EXPH5: variants seen among roughly 807,000 people sequenced by gnomAD.
EXPH5 encodes exophilin-5.
EXPH5 carries 42 observed loss-of-function variants against 41.1 expected under a neutral mutation model. The ratio of observed to expected loss-of-function variants is 1.02; its 90% CI spans 0.80 to 1.32. The LOEUF is 1.32. Ranked by LOEUF, EXPH5 falls within the 40% of genes most tolerant of loss-of-function variation. EXPH5 has a pLI of 0.00. For synonymous variants in EXPH5, 798 were observed against 833.5 expected (o/e 0.96, Z 0.73); for missense variants, 2,298 against 2,314.5 (o/e 0.99, Z 0.15).
rs774464911 is a variant in EXPH5 at position 108,511,397 on chromosome 11, A to G, written c.4110T>C (p.Asn1370=). 24 of 1,590,054 alleles carry G rather than the reference A, an allele frequency of 1.5e-5. 1 individual carries two copies. In the South Asian group the frequency reaches 2.6e-4, roughly 17 times the overall value. ...AATCACCTAGAGGTGTTTTAGCTAA[A>G]TTATCTGAAAAAATCTCTCTAGCTT... The part of the protein sequence containing the change: ...ESKAREIFSD[N]LAKTPLGDSE... The change falls in exon 6 of 6, where the codon AAT becomes AAC. Residue 1370 remains asparagine, a synonymous_variant. Coordinates refer to ENST00000265843, the MANE Select transcript of EXPH5 (RefSeq NM_015065.3).
chr11:108,600,015 T>C, the EXPH5 span, among the ~76,000 whole-genome samples: 10 of 152,310 alleles, frequency 6.6e-5, no homozygotes, highest in South Asian at 4.1e-4. Context: ...GTCCAGGAGA[T>C]TGCAATCTGG....
intron 1 of EXPH5, among the ~76,000 whole-genome samples, chr11:108,566,137 T>C (rs1220629527): frequency 2.0e-5 from 3 of 152,214 alleles, no homozygotes; most frequent in African/African-American, 7.2e-5. Context: ...AAAATCAAGA[T>C]TCTTGCTTTA....
intron 1 of EXPH5, among the ~76,000 whole-genome samples, chr11:108,574,477 G>A (rs536373775): frequency 6.6e-6 from 1 of 152,242 alleles, no homozygotes; most frequent in South Asian, 2.1e-4. Flanking sequence ...TGAAACCTGG[G>A]AAATACACAG....
intron 3 of EXPH5, among the ~76,000 whole-genome samples, chr11:108,532,421 G>A (rs1476385079): frequency 8.3e-6 from 1 of 120,850 alleles, no homozygotes; most frequent in Non-Finnish European, 1.6e-5. Context: ...CACTACGTTG[G>A]CCAGGCTGGT....
intron 4 of EXPH5, among the ~76,000 whole-genome samples, chr11:108,526,535 C>G (rs2093800436): frequency 6.6e-6 from 1 of 152,192 alleles, no homozygotes; most frequent in Non-Finnish European, 1.5e-5. Flanking sequence ...CCTAGGAAAA[C>G]CGAGAGTACA....
chr11:108,592,712 A>G (rs2094130329), intron 1 of EXPH5, among the ~76,000 whole-genome samples: 1 of 152,174 alleles, frequency 6.6e-6, no homozygotes. Flanking sequence ...AGTGTATAGT[A>G]AGGTCAAGGA....
At chr11:108,585,521 C>G (rs1446676419) in intron 1 of EXPH5, among the ~76,000 whole-genome samples, 1 of 152,210 alleles carries the variant, frequency 6.6e-6, no homozygotes, top group South Asian at 2.1e-4. Context: ...AACACAGACT[C>G]TACCAGTGCC....
At chr11:108,532,356 ATATATATATATTTTTTTTT>A (rs1247779494) in intron 3 of EXPH5, among the ~76,000 whole-genome samples, 7 of 20,192 alleles carry the variant, frequency 3.5e-4, no homozygotes, top group Admixed American at 6.9e-4. Flanking sequence ...ATATATATAT[ATATATATATATTTTTTTTT>A]TTTTTTTTTT....
In EXPH5 at chr11:108,510,021, G is replaced by C. The variant is rs1280536809; in HGVS notation, c.5486C>G (p.Ala1829Gly). ...HFSESTSIDN[A>G]LSRLTLGNEF... ...ATTCCCAAGGGTCAGTCGACTCAGG[G>C]CATTGTCAATAGAAGTGCTTTCAGA... The change falls in exon 6 of 6, where the codon GCC becomes GGC. Residue 1829 changes from alanine (A) to glycine (G), a missense_variant. Physicochemically the swap from Ala to Gly is moderately conservative, Grantham distance 60. Coordinates refer to ENST00000265843, the MANE Select transcript of EXPH5 (RefSeq NM_015065.3). 6.2e-7 allele frequency: 1 copy of C among 1,613,514 alleles called. No homozygotes were observed. Among genetic ancestry groups the C allele is most frequent in the African/African-American group, 1.3e-5 (1 of 74,890 alleles).
At chr11:108,516,157 C>T (rs1054663677) in intron 5 of EXPH5, among the ~76,000 whole-genome samples, 7 of 151,294 alleles carry the variant, frequency 4.6e-5, no homozygotes, top group African/African-American at 7.3e-5. Flanking sequence ...TACTGTGAGA[C>T]GAGCTCATAG....
chr11:108,510,109 T>C lies in EXPH5; in HGVS notation c.5398A>G (p.Ile1800Val). The C allele has an allele frequency of 3.7e-6, 6 of 1,613,744 alleles. 1 individual carries two copies. The highest frequency in any genetic ancestry group is 3.3e-4 in the Middle Eastern group (2 of 6,054). ...CGTAGTAGATCGCCATGAACATTAA[T>C]GCTTTTTAAACTCTTTGAACGATAG... ...HLYRSKSLKS[I>V]NVHGDLLRKS... The change falls in exon 6 of 6, where the codon ATT (isoleucine) becomes GTT (valine). Residue 1800 changes from isoleucine to valine, a missense_variant. Transcript: ENST00000265843.
intron 3 of EXPH5, among the ~76,000 whole-genome samples, chr11:108,531,408 TG>T (rs1488777584): frequency 2.6e-5 from 4 of 152,166 alleles, no homozygotes; most frequent in Non-Finnish European, 5.9e-5. Flanking sequence ...GGTGAAACTC[TG>T]TCTCTACTAA....
intron 4 of EXPH5, among the ~76,000 whole-genome samples, chr11:108,523,147 A>G (rs539319250): frequency 6.6e-6 from 1 of 152,250 alleles, no homozygotes; most frequent in East Asian, 1.9e-4. Context: ...AAGTGCTGGG[A>G]TTACAGGCAT....
chr11:108,580,847 A>G lies in EXPH5; in HGVS notation c.119+12571T>C, dbSNP rs192084478. Among the ~76,000 whole-genome samples, 85 of 152,332 alleles carry G rather than the reference A, an allele frequency of 5.6e-4. 1 individual carries two copies. The highest frequency in any genetic ancestry group is 8.5e-4 in the Non-Finnish European group (58 of 68,030). ...GTTCTCACTCATAAGTGGAGGCTTAAAAAAGCTGACGTCATAGAAGTAAAA... is the reference window on the plus strand; with the variant it reads ...GTTCTCACTCATAAGTGGAGGCTTAGAAAAGCTGACGTCATAGAAGTAAAA... On this transcript the variant is annotated intron_variant, in intron 1 of 5. Coordinates refer to ENST00000265843, the MANE Select transcript of EXPH5 (RefSeq NM_015065.3).
Position 108,514,556 on chromosome 11 carries a change from G to A in EXPH5, c.951C>T (p.Gly317=), listed in dbSNP as rs1319780901. Residue 317 remains glycine (G), a synonymous_variant, in exon 6 of 6, where the codon GGC becomes GGT. Coordinates refer to ENST00000265843, the MANE Select transcript of EXPH5 (RefSeq NM_015065.3). The stretch of plus-strand genomic sequence containing the variant: ...TGCTGTCAAAACACAGCGAAGTACT[G>A]CCAAAAGTATTCTTTTGCACATAAT... ...KEDYVQKNTF[G]STSLCFDSRQ... The A allele has an allele frequency of 3.1e-6, 5 of 1,613,734 alleles. No homozygotes were observed. The African/African-American group carries it at 5.3e-5, about 17-fold the overall frequency.
intron 1 of EXPH5, among the ~76,000 whole-genome samples, chr11:108,552,746 AC>A (rs1229865821): frequency 6.6e-6 from 1 of 152,152 alleles, no homozygotes; most frequent in Non-Finnish European, 1.5e-5. Context: ...CTCCGTCTCT[AC>A]AAAAAACCCC....
chr11:108,590,218 AT>A (rs926569829), intron 1 of EXPH5, among the ~76,000 whole-genome samples: 17 of 151,360 alleles, frequency 1.1e-4, no homozygotes, highest in Admixed American at 3.3e-4. Flanking sequence ...CCTCACCAAC[AT>A]TTTTTTTTCT....
At position 108,591,490 on chromosome 11, in the gene EXPH5, T is replaced by C. The variant is rs1449054555; in HGVS notation, c.119+1928A>G. Among the ~76,000 whole-genome samples the C allele has an allele frequency of 3.3e-5, 5 of 152,232 alleles. 1 individual carries two copies. In the East Asian group the frequency reaches 9.6e-4, roughly 29 times the overall value. ...GTACTAGAAATCATTGCCTTGGGTA[T>C]TTGGTCCACACATCTACTTTCCTTA... On this transcript the variant is annotated intron_variant, in intron 1 of 5. Coordinates refer to ENST00000265843, the MANE Select transcript of EXPH5 (RefSeq NM_015065.3).
At chr11:108,593,164 C>G (rs1300623297) in intron 1 of EXPH5, among the ~76,000 whole-genome samples, 1 of 152,230 alleles carries the variant, frequency 6.6e-6, no homozygotes, top group African/African-American at 2.4e-5. Context: ...CACGGACCCC[C>G]CCACCCTGCC....
Sources: gnomAD v4.1 joint callset for allele counts (sites outside exome capture counted in the v4.1 genomes callset) on GRCh38, gnomAD v4.1.1 for gene constraint, MANE v1.5 for transcripts, NCBI Gene and HGNC (gene_info 2026-07-23, HGNC 2026-07-21) for gene names.